The following GALNT13 variants were observed in gnomAD, a reference collection of about 807,000 sequenced individuals.
GALNT13 encodes polypeptide N-acetylgalactosaminyltransferase 13.
GALNT13 carries 28 observed loss-of-function variants against 64.2 expected under a neutral mutation model. The observed-to-expected ratio is 0.44, with a 90% CI of 0.32 to 0.60. GALNT13 has a LOEUF of 0.60. Among genes scored for constraint, GALNT13 ranks in the 20% least tolerant of loss-of-function variants. GALNT13 has a pLI of 0.05. For missense variants in GALNT13, 577 were observed against 669.8 expected, an observed-to-expected ratio of 0.86 and a Z score of 1.53; for synonymous variants, 214 against 224.6, an observed-to-expected ratio of 0.95 and a Z score of 0.42.
intron 4 of GALNT13, among the ~76,000 whole-genome samples, chr2:154,195,111 C>T (rs1440661553): frequency 6.6e-6 from 1 of 152,064 alleles, no homozygotes; most frequent in Non-Finnish European, 1.5e-5. Context: ...TTCTTAACCA[C>T]TGCTCTGTAC....
the GALNT13 span, among the ~76,000 whole-genome samples, chr2:153,483,410 C>CTTTTTTTTTTTTTTTTTTTTTTTTTT: frequency 4.2e-5 from 3 of 71,776 alleles, no homozygotes; most frequent in Non-Finnish European, 5.3e-5. Context: ...GAATAAAATT[C>CTTTTTTTTTTTTTTTTTTTTTTTTTT]TTTTTTTTTT....
At chr2:154,375,281 T>C (rs973174167) in intron 9 of GALNT13, among the ~76,000 whole-genome samples, 2 of 150,362 alleles carry the variant, frequency 1.3e-5, no homozygotes, top group African/African-American at 5.0e-5. Flanking sequence ...AGCCACCGCA[T>C]CCAGCCAGAA....
chr2:153,989,378 T>C (rs972803319), intron 3 of GALNT13, among the ~76,000 whole-genome samples: 2 of 151,848 alleles, frequency 1.3e-5, no homozygotes, highest in African/African-American at 4.8e-5. Flanking sequence ...AAGTTCTTAG[T>C]TTGCCTGATT....
At chr2:154,186,631 A>G (rs1027154175) in intron 4 of GALNT13, among the ~76,000 whole-genome samples, 1 of 152,082 alleles carries the variant, frequency 6.6e-6, no homozygotes, top group African/African-American at 2.4e-5. Flanking sequence ...GAGAAACTCT[A>G]CAATAATCCA....
At chr2:154,280,641 G>A (rs941477879) in intron 8 of GALNT13, among the ~76,000 whole-genome samples, 2 of 152,138 alleles carry the variant, frequency 1.3e-5, no homozygotes, top group African/African-American at 2.4e-5. Flanking sequence ...TTCTTTTTAT[G>A]TATTGCTGGC....
At chr2:153,222,314 G>GGGGGGGGGGGT in the GALNT13 span, among the ~76,000 whole-genome samples, 1 of 140,272 alleles carries the variant, frequency 7.1e-6, no homozygotes, top group Non-Finnish European at 1.6e-5. Context: ...GGCTGGGGGG[G>GGGGGGGGGGGT]GGGGGGGGGG....
At chr2:154,224,471 A>G (rs1378502802) in intron 4 of GALNT13, among the ~76,000 whole-genome samples, 2 of 152,062 alleles carry the variant, frequency 1.3e-5, no homozygotes, top group African/African-American at 4.8e-5. Context: ...ACATGCTAAA[A>G]TAGCTAGGAA....
At chr2:153,385,169 C>T in the GALNT13 span, among the ~76,000 whole-genome samples, 1 of 152,058 alleles carries the variant, frequency 6.6e-6, no homozygotes, top group Non-Finnish European at 1.5e-5. Context: ...TATGATCCAG[C>T]AATCCCATTG....
At chr2:153,404,199 A>G in the GALNT13 span, among the ~76,000 whole-genome samples, 3 of 152,156 alleles carry the variant, frequency 2.0e-5, no homozygotes, top group Non-Finnish European at 2.9e-5. Flanking sequence ...GGTTTTTGAG[A>G]GAGGATTTTC....
At chr2:154,441,258 A>G (rs576386128) in intron 12 of GALNT13, among the ~76,000 whole-genome samples, 1 of 152,236 alleles carries the variant, frequency 6.6e-6, no homozygotes, top group South Asian at 2.1e-4. Flanking sequence ...GAGCAGAGAG[A>G]GGGAAAGGGA....
the GALNT13 span, among the ~76,000 whole-genome samples, chr2:153,459,563 G>A: frequency 1.3e-5 from 2 of 152,102 alleles, no homozygotes; most frequent in African/African-American, 4.8e-5. Context: ...TATTGACAGA[G>A]CAAAATCTGA....
chr2:153,262,494 A>C, the GALNT13 span, among the ~76,000 whole-genome samples: 1 of 152,192 alleles, frequency 6.6e-6, no homozygotes, highest in Non-Finnish European at 1.5e-5. Flanking sequence ...AAATACAACA[A>C]AAAAGGAAAA....
intron 9 of GALNT13, among the ~76,000 whole-genome samples, chr2:154,301,991 T>G (rs1693466696): frequency 6.6e-6 from 1 of 152,056 alleles, no homozygotes; most frequent in Admixed American, 6.6e-5. Context: ...ACATAGTAAA[T>G]TATCAATAAA....
At chr2:153,913,386 T>C (rs1017878541) in intron 2 of GALNT13, among the ~76,000 whole-genome samples, 6 of 152,142 alleles carry the variant, frequency 3.9e-5, no homozygotes, top group African/African-American at 1.4e-4. Context: ...GGTTTGTCTG[T>C]GCACACATGT....
the GALNT13 span, among the ~76,000 whole-genome samples, chr2:153,117,417 G>A: frequency 6.6e-6 from 1 of 152,132 alleles, no homozygotes; most frequent in African/African-American, 2.4e-5. Flanking sequence ...TGGGTATGTG[G>A]ATCCTCATAA....
At chr2:154,356,767 T>C (rs2105273151) in intron 9 of GALNT13, among the ~76,000 whole-genome samples, 1 of 152,114 alleles carries the variant, frequency 6.6e-6, no homozygotes, top group East Asian at 1.9e-4. Flanking sequence ...TTCTTATACT[T>C]CTAACTGAGC....
the GALNT13 span, among the ~76,000 whole-genome samples, chr2:153,610,910 A>G: frequency 8.0e-4 from 122 of 152,190 alleles, no homozygotes; most frequent in Admixed American, 7.7e-3. Flanking sequence ...TTAAAATATT[A>G]AAGTCCAACT....
At chr2:153,685,552 T>C in the GALNT13 span, among the ~76,000 whole-genome samples, 45,837 of 151,960 alleles carry the variant, frequency 0.3, 7,808 homozygotes, top group Middle Eastern at 0.51. Flanking sequence ...TCCTTATAGA[T>C]GCTGGATATT....
the GALNT13 span, among the ~76,000 whole-genome samples, chr2:153,549,010 A>C: frequency 6.6e-6 from 1 of 152,238 alleles, no homozygotes; most frequent in African/African-American, 2.4e-5. Flanking sequence ...GCCAGACACA[A>C]GAGGCTACAT....
Sources: gnomAD v4.1 joint callset for allele counts (sites outside exome capture counted in the v4.1 genomes callset) on GRCh38, gnomAD v4.1.1 for gene constraint, MANE v1.5 for transcripts, NCBI Gene and HGNC (gene_info 2026-07-23, HGNC 2026-07-21) for gene names.